Variants in DSCAML1 observed in about 807,000 individuals in gnomAD.
DSCAML1 encodes cell adhesion molecule DSCAML1.
A neutral mutation model predicts 200.5 loss-of-function variants in DSCAML1; 38 were observed. That is an observed-to-expected ratio of 0.19 (90% CI 0.15 to 0.25). The LOEUF (loss-of-function observed/expected upper bound fraction) is 0.25. Ranked by LOEUF, DSCAML1 falls within the 10% of genes least tolerant of loss-of-function variation. The probability of loss-of-function intolerance (pLI) is 1.00; values close to 1 mark genes in which losing one functional copy is unlikely to be tolerated. For missense variants in DSCAML1, 2,223 were observed against 2,858.8 expected, an observed-to-expected ratio of 0.78 and a Z score of 5.07; for synonymous variants, 1,215 against 1,165.0, an observed-to-expected ratio of 1.04 and a Z score of -0.87.
chr11:117,434,913 T>A (rs563049826), intron 27 of DSCAML1, among the ~76,000 whole-genome samples: 26 of 152,252 alleles, frequency 1.7e-4, no homozygotes, highest in Non-Finnish European at 3.4e-4. Context: ...AGTCATTCCC[T>A]CTTCTGTGCT....
At chr11:117,675,182 A>G (rs1236126867) in intron 3 of DSCAML1, among the ~76,000 whole-genome samples, 2 of 152,248 alleles carry the variant, frequency 1.3e-5, no homozygotes, top group Non-Finnish European at 2.9e-5. Flanking sequence ...ACTGTGTGTT[A>G]GCGTTTATAA....
intron 3 of DSCAML1, among the ~76,000 whole-genome samples, chr11:117,605,449 C>G (rs778610555): frequency 4.6e-5 from 7 of 152,206 alleles, no homozygotes; most frequent in Non-Finnish European, 7.3e-5. Flanking sequence ...CACACAAACC[C>G]AGCACAGCCC....
chr11:117,669,699 G>A (rs1591382210), intron 3 of DSCAML1, among the ~76,000 whole-genome samples: 1 of 152,360 alleles, frequency 6.6e-6, no homozygotes, highest in East Asian at 1.9e-4. Context: ...CATTTCCTGA[G>A]AAACATGACA....
intron 3 of DSCAML1, among the ~76,000 whole-genome samples, chr11:117,736,845 T>G (rs1253707542): frequency 6.6e-6 from 1 of 152,218 alleles, no homozygotes. Context: ...GAATTGTAGG[T>G]CCCTCCGTGT....
At chr11:117,588,861 T>G (rs931103739) in intron 3 of DSCAML1, among the ~76,000 whole-genome samples, 5 of 152,140 alleles carry the variant, frequency 3.3e-5, no homozygotes, top group Admixed American at 6.5e-5. Context: ...CCTTTTCTCT[T>G]CCTCTTCTTC....
rs575163304 is a variant in DSCAML1, at chr11:117,642,099, G to A, written c.512-109577C>T. On this transcript the variant is annotated intron_variant, in intron 3 of 32. Coordinates refer to ENST00000651296, the MANE Select transcript of DSCAML1 (RefSeq NM_020693.4). This position sits in a 1 kb window ranked among gnomAD's most constrained non-coding sequence, Gnocchi z 4.1. ...GATGGCAGTCATCTCTACCTCACCT[G>A]CCCTTACCATTGCCCTCGAATTATT... Among the ~76,000 whole-genome samples the A allele has an allele frequency of 2.0e-5, 3 of 152,146 alleles. No homozygotes were observed. The highest frequency in any genetic ancestry group is 7.2e-5 in the African/African-American group (3 of 41,510).
chr11:117,627,097 T>C (rs527675678), intron 3 of DSCAML1, among the ~76,000 whole-genome samples: 1 of 152,316 alleles, frequency 6.6e-6, no homozygotes, highest in Admixed American at 6.5e-5. Context: ...TAACAGCAGA[T>C]AATTAATTTT....
At chr11:117,730,589 C>A (rs2054202026) in intron 3 of DSCAML1, among the ~76,000 whole-genome samples, 1 of 152,112 alleles carries the variant, frequency 6.6e-6, no homozygotes, top group African/African-American at 2.4e-5. Context: ...GAAACTGGGA[C>A]CCTTATACCC....
chr11:117,641,003 T>C (rs2052395146), intron 3 of DSCAML1, among the ~76,000 whole-genome samples: 1 of 152,258 alleles, frequency 6.6e-6, no homozygotes, highest in African/African-American at 2.4e-5. Context: ...GAAAAAAGCT[T>C]ATTTGGTCTG....
intron 3 of DSCAML1, among the ~76,000 whole-genome samples, chr11:117,574,235 A>G (rs888982010): frequency 2.0e-5 from 3 of 152,220 alleles, no homozygotes; most frequent in African/African-American, 7.2e-5. Context: ...ATTTAGAGGC[A>G]GGGGAAGGAG....
At chr11:117,810,519 T>C (rs2055752675) in intron 1 of DSCAML1, among the ~76,000 whole-genome samples, 1 of 152,142 alleles carries the variant, frequency 6.6e-6, no homozygotes, top group South Asian at 2.1e-4. Context: ...TCCGTATCTC[T>C]ACTCTTTTCT....
intron 14 of DSCAML1, among the ~76,000 whole-genome samples, chr11:117,479,755 T>C (rs1267147827): frequency 6.6e-6 from 1 of 152,140 alleles, no homozygotes; most frequent in Non-Finnish European, 1.5e-5. Context: ...TTCAAACAAT[T>C]CTCCTGCCTC....
chr11:117,732,013 T>C (rs1177760207), intron 3 of DSCAML1, among the ~76,000 whole-genome samples: 2 of 152,146 alleles, frequency 1.3e-5, no homozygotes, highest in Non-Finnish European at 2.9e-5. Context: ...TCTCCATAGC[T>C]ACCTTCCAGG....
intron 3 of DSCAML1, among the ~76,000 whole-genome samples, chr11:117,766,765 A>G (rs771872635): frequency 1.3e-5 from 2 of 152,196 alleles, no homozygotes; most frequent in Non-Finnish European, 2.9e-5. Flanking sequence ...ACACATGCAC[A>G]CGCCGCCAGA....
intron 2 of DSCAML1, among the ~76,000 whole-genome samples, chr11:117,779,024 A>G (rs1357035832): frequency 6.6e-6 from 1 of 152,138 alleles, no homozygotes; most frequent in Non-Finnish European, 1.5e-5. Flanking sequence ...AGCTACTTTA[A>G]ACCTTGCTCT....
chr11:117,439,763 C>T (rs948131908), intron 22 of DSCAML1, 56 bp downstream of exon 22: 7 of 1,530,150 alleles, frequency 4.6e-6, no homozygotes, highest in East Asian at 2.2e-5. Context: ...CCACACCGCT[C>T]TTCTACTATA....
intron 14 of DSCAML1, among the ~76,000 whole-genome samples, chr11:117,474,576 T>C (rs1175641750): frequency 6.6e-6 from 1 of 152,150 alleles, no homozygotes; most frequent in African/African-American, 2.4e-5. Flanking sequence ...CTTGGATGTT[T>C]CATGGACACT....
At chr11:117,491,494 G>A (rs2049180655) in intron 11 of DSCAML1, among the ~76,000 whole-genome samples, 1 of 152,218 alleles carries the variant, frequency 6.6e-6, no homozygotes, top group Non-Finnish European at 1.5e-5. Context: ...GGCCAGGTGT[G>A]GTGGCTCACG....
chr11:117,468,025 T>C (rs1010665665), intron 16 of DSCAML1, among the ~76,000 whole-genome samples: 6 of 152,122 alleles, frequency 3.9e-5, no homozygotes. Flanking sequence ...AATCTATCCA[T>C]CCAGATAGAT....
Sources: gnomAD v4.1 joint callset for allele counts (sites outside exome capture counted in the v4.1 genomes callset) on GRCh38, gnomAD v4.1.1 for gene constraint, Gnocchi (gnomAD v3.1) non-coding constraint, MANE v1.5 for transcripts, NCBI Gene and HGNC (gene_info 2026-07-23, HGNC 2026-07-21) for gene names.